The following MSR1 variants were observed in gnomAD, a reference collection of about 807,000 sequenced individuals.
MSR1 encodes macrophage scavenger receptor types I and II.
MSR1 carries 53 observed loss-of-function variants against 47.2 expected under a neutral mutation model. The observed-to-expected ratio is 1.12, with a 90% CI of 0.90 to 1.41. MSR1 has a LOEUF of 1.41. Ranked by LOEUF, MSR1 falls within the 40% of genes most tolerant of loss-of-function variation. The pLI is 0.00. For missense variants in MSR1, 786 were observed against 546.9 expected, an observed-to-expected ratio of 1.44 and a Z score of -4.36; for synonymous variants, 239 against 185.6, an observed-to-expected ratio of 1.29 and a Z score of -2.34.
intron 1 of MSR1, among the ~76,000 whole-genome samples, 184 bp from the exon 2 acceptor site, chr8:16,178,176 A>G (rs1801714624): frequency 6.6e-6 from 1 of 151,544 alleles, no homozygotes; most frequent in South Asian, 2.1e-4. Flanking sequence ...TATATTATAC[A>G]TGTACCATGT....
At chr8:16,126,148 G>A (rs554760196) in intron 8 of MSR1, among the ~76,000 whole-genome samples, 80 of 152,168 alleles carry the variant, frequency 5.3e-4, no homozygotes, top group African/African-American at 1.8e-3. Flanking sequence ...ATTATTTAAA[G>A]TGTTCCATAT....
At chr8:16,161,920 A>G (rs1801174367) in intron 5 of MSR1, among the ~76,000 whole-genome samples, 1 of 152,060 alleles carries the variant, frequency 6.6e-6, no homozygotes, top group Non-Finnish European at 1.5e-5. Flanking sequence ...ACAAAATATT[A>G]AAATCATGAA....
intron 1 of MSR1, among the ~76,000 whole-genome samples, chr8:16,183,044 T>C (rs1358426869): frequency 6.6e-6 from 1 of 152,142 alleles, no homozygotes; most frequent in Non-Finnish European, 1.5e-5. Context: ...GGTGATAGAA[T>C]TTTTCAGCTC....
intron 8 of MSR1, among the ~76,000 whole-genome samples, chr8:16,124,746 T>C (rs1469006756): frequency 6.6e-6 from 1 of 152,156 alleles, no homozygotes; most frequent in Admixed American, 6.6e-5. Flanking sequence ...AAACCCGTTA[T>C]AGTCATCTTT....
rs1197989830 is a variant in MSR1, at chr8:16,109,048, G to A, written c.*1037C>T. On this transcript the variant is annotated 3_prime_UTR_variant, in exon 10 of 10. Coordinates refer to ENST00000262101, the MANE Select transcript of MSR1 (RefSeq NM_138715.3). ...TTCAGGGTAGAATTACTGGGTTTCA[G>A]GGTAGCTTTTCACACTCTACACTAT... 1 of 151,930 alleles carries A rather than the reference G, an allele frequency of 6.6e-6. No individual in the cohort carries two copies. The allele number at this position is 151,930 out of a possible 1,614,324, so 9.4% of individuals were successfully genotyped here.
At chr8:16,180,881 C>T (rs1204193524) in intron 1 of MSR1, among the ~76,000 whole-genome samples, 1 of 152,098 alleles carries the variant, frequency 6.6e-6, no homozygotes, top group Non-Finnish European at 1.5e-5. Flanking sequence ...GGACTCTGTT[C>T]TTTAATGGAT....
chr8:16,120,797 T>C, intron 8 of MSR1, 191 bp from the exon 9 acceptor site: 10 of 734,454 alleles, frequency 1.4e-5, no homozygotes, highest in Non-Finnish European at 2.2e-5. Context: ...CTGCAAATAT[T>C]GCAGCTTTAA....
Position 16,168,500 on chromosome 8 carries a change from A to AT in MSR1, c.587dup (p.Asn196LysfsTer19). On this transcript the variant is annotated frameshift_variant, in exon 4 of 10. Coordinates refer to ENST00000262101, the MANE Select transcript of MSR1 (RefSeq NM_138715.3). LOFTEE classifies it high-confidence loss of function. ...TATTCTCTTGGATTTTGCCATTCAG[A>AT]TTTTCTATGTTGAGCTGCAAATCAA... is the stretch of plus-strand genomic sequence containing the variant. 1.2e-6 allele frequency: 2 copies of AT among 1,614,082 alleles called. No homozygotes were observed. The highest frequency in any genetic ancestry group is 1.7e-6 in the Non-Finnish European group (2 of 1,180,000).
intron 8 of MSR1, among the ~76,000 whole-genome samples, chr8:16,130,655 C>T (rs1800233945): frequency 6.6e-6 from 1 of 152,060 alleles, no homozygotes; most frequent in African/African-American, 2.4e-5. Context: ...TCAAGTAGAC[C>T]CCACTGTCTG....
chr8:16,114,644 T>C (rs2084887990), intron 9 of MSR1, among the ~76,000 whole-genome samples: 1 of 152,100 alleles, frequency 6.6e-6, no homozygotes, highest in South Asian at 2.1e-4. Context: ...TTAATTAAAC[T>C]TGTTTTGTCT....
At chr8:16,139,680 T>A (rs1404638625) in intron 8 of MSR1, 7 of 967,996 alleles carry the variant, frequency 7.2e-6, no homozygotes, top group East Asian at 2.4e-4. Context: ...AGGTAATACA[T>A]GAAAAGTTTT....
At chr8:16,142,074 T>C (rs771416949) in intron 8 of MSR1, among the ~76,000 whole-genome samples, 5 of 152,096 alleles carry the variant, frequency 3.3e-5, no homozygotes, top group Non-Finnish European at 7.4e-5. Context: ...CTCATGCCTG[T>C]AATCCCAGCA....
At chr8:16,118,473 C>T (rs1799926813) in intron 9 of MSR1, among the ~76,000 whole-genome samples, 1 of 152,124 alleles carries the variant, frequency 6.6e-6, no homozygotes, top group Non-Finnish European at 1.5e-5. Flanking sequence ...TGGCGTGGCT[C>T]ACACCTGTAA....
At position 16,183,275 on chromosome 8, in the gene MSR1, G is replaced by A. The variant is rs1475326786; in HGVS notation, c.-4-5283C>T. Among the ~76,000 whole-genome samples the A allele has an allele frequency of 2.6e-5, 4 of 151,970 alleles. No homozygotes were observed. In the South Asian group the frequency reaches 6.2e-4, roughly 24 times the overall value. On this transcript the variant is annotated intron_variant, in intron 1 of 9. Transcript: ENST00000262101. ...CAGCTCAGATTATTCTATCTACCAG[G>A]TAAGACCGTTTGTGAAAAAAGCTGA...
At chr8:16,175,131 G>A in intron 3 of MSR1, 56 bp downstream of exon 3, 1 of 1,394,520 alleles carries the variant, frequency 7.2e-7, no homozygotes, top group Non-Finnish European at 1.0e-6. Flanking sequence ...TTTTGCTTTG[G>A]CAATGAATAA....
rs777337243 is a variant in MSR1 at position 16,177,980 on chromosome 8, C to T, written c.9G>A (p.Gln3=). 1 of 1,613,448 alleles carries T rather than the reference C, an allele frequency of 6.2e-7. No homozygotes were observed. Among genetic ancestry groups the T allele is most frequent in the South Asian group, 1.1e-5 (1 of 91,058 alleles). ME[Q]WDHFHNQQED... is the part of the protein sequence containing the mutation. ...CCTGTTGATTGTGAAAGTGATCCCA[C>T]TGCTCCATACTTCTATGAAACAAAA... Residue 3 remains glutamine, a synonymous_variant, in exon 2 of 10, where the codon CAG becomes CAA. Transcript: ENST00000262101.
At chr8:16,110,403 G>A (rs751032259) in intron 9 of MSR1, among the ~76,000 whole-genome samples, 185 bp from the exon 10 acceptor site, 6 of 152,070 alleles carry the variant, frequency 3.9e-5, no homozygotes, top group Non-Finnish European at 8.8e-5. Context: ...TTTATACTCT[G>A]TTAACATGTA....
intron 8 of MSR1, among the ~76,000 whole-genome samples, chr8:16,127,779 T>A (rs1800162638): frequency 6.6e-6 from 1 of 152,172 alleles, no homozygotes; most frequent in South Asian, 2.1e-4. Flanking sequence ...GGAATTGTAA[T>A]TCTTAATTAT....
chr8:16,127,939 T>C (rs1028715336), intron 8 of MSR1, among the ~76,000 whole-genome samples: 1 of 152,144 alleles, frequency 6.6e-6, no homozygotes, highest in Non-Finnish European at 1.5e-5. Context: ...CCCATCACCA[T>C]TGGTTATTGT....
Sources: allele counts gnomAD v4.1 joint callset (sites outside exome capture counted in the v4.1 genomes callset), GRCh38; gene constraint gnomAD v4.1.1; transcripts MANE v1.5; gene names NCBI Gene and HGNC (gene_info 2026-07-23, HGNC 2026-07-21).